RFX3: variants seen among roughly 807,000 people sequenced by gnomAD.
The protein encoded by RFX3 is regulatory factor X3, also known as transcription factor RFX3.
In RFX3, 14 loss-of-function variants were observed where a neutral mutation model predicts 98.6. The ratio of observed to expected loss-of-function variants is 0.14; its 90% CI spans 0.09 to 0.22. The LOEUF is 0.22. RFX3 is among the 10% of genes least tolerant of loss of function. RFX3 has a pLI of 1.00. For missense variants in RFX3, 639 were observed against 926.9 expected (o/e 0.69, Z 4.03); for synonymous variants, 383 against 328.4 (o/e 1.17, Z -1.80).
chr9:3,497,405 T>C (rs543310071), intron 1 of RFX3, among the ~76,000 whole-genome samples: 2 of 151,952 alleles, frequency 1.3e-5, no homozygotes, highest in African/African-American at 4.8e-5. Flanking sequence ...TATTAAAGGA[T>C]AAAGAAAAAA....
intron 1 of RFX3, among the ~76,000 whole-genome samples, chr9:3,497,658 A>C (rs920226798): frequency 2.0e-5 from 3 of 151,936 alleles, no homozygotes; most frequent in Non-Finnish European, 4.4e-5. Flanking sequence ...AGGAATGTGA[A>C]AGAATACACC....
intron 1 of RFX3, chr9:3,488,774 A>AG (rs1850485476): frequency 1.0e-6 from 1 of 985,162 alleles, no homozygotes; most frequent in Non-Finnish European, 1.2e-6. Context: ...CAGAGGACTT[A>AG]CGCAGAACCA....
intron 1 of RFX3, among the ~76,000 whole-genome samples, chr9:3,427,879 C>A (rs1844269294): frequency 1.3e-5 from 2 of 152,054 alleles, no homozygotes; most frequent in Non-Finnish European, 2.9e-5. Context: ...CAGCCTTCAC[C>A]CTTCTGGTGC....
chr9:3,479,177 T>C (rs759889758), intron 1 of RFX3, among the ~76,000 whole-genome samples: 2 of 152,166 alleles, frequency 1.3e-5, no homozygotes, highest in East Asian at 3.8e-4. Flanking sequence ...GATTCACTAG[T>C]TTTCTCTTGG....
chr9:3,394,516 C>G (rs1840656794), intron 2 of RFX3, among the ~76,000 whole-genome samples: 1 of 152,136 alleles, frequency 6.6e-6, no homozygotes, highest in Admixed American at 6.5e-5. Context: ...TTTACTTATC[C>G]TAAAAGCCAA....
chr9:3,296,140 T>C (rs1358867030), intron 5 of RFX3, among the ~76,000 whole-genome samples: 1 of 151,902 alleles, frequency 6.6e-6, no homozygotes, highest in Non-Finnish European at 1.5e-5. Flanking sequence ...ATACTGTAAA[T>C]TACCTTTTAT....
chr9:3,279,792 A>G (rs889325999), intron 7 of RFX3, among the ~76,000 whole-genome samples: 2 of 151,868 alleles, frequency 1.3e-5, no homozygotes, highest in Non-Finnish European at 2.9e-5. Flanking sequence ...AGGAGAGATT[A>G]TATTTTTAAT....
At chr9:3,397,060 G>C (rs943188255) in intron 1 of RFX3, among the ~76,000 whole-genome samples, 23 of 152,204 alleles carry the variant, frequency 1.5e-4, no homozygotes, top group Admixed American at 1.3e-4. Context: ...TGAAAGATGA[G>C]GGAGACTACT....
At chr9:3,398,158 C>G (rs1214975029) in intron 1 of RFX3, among the ~76,000 whole-genome samples, 1 of 151,996 alleles carries the variant, frequency 6.6e-6, no homozygotes, top group Non-Finnish European at 1.5e-5. Flanking sequence ...ATCTTTGAAC[C>G]AGCATTAAGA....
chr9:3,387,320 T>C (rs1362006419), intron 2 of RFX3, among the ~76,000 whole-genome samples: 1 of 152,160 alleles, frequency 6.6e-6, no homozygotes, highest in African/African-American at 2.4e-5. Flanking sequence ...GGCACATTCC[T>C]CTTAGAACAT....
chr9:3,470,722 G>A (rs1407483380), intron 1 of RFX3, among the ~76,000 whole-genome samples: 1 of 152,126 alleles, frequency 6.6e-6, no homozygotes. Flanking sequence ...TTGTGATTGA[G>A]AGACAGTTGC....
chr9:3,226,975 C>A (rs1194024034), intron 16 of RFX3, among the ~76,000 whole-genome samples: 1 of 152,050 alleles, frequency 6.6e-6, no homozygotes, highest in East Asian at 1.9e-4. Context: ...GTGGGAGAAG[C>A]CCTCAAAACC....
intron 1 of RFX3, among the ~76,000 whole-genome samples, chr9:3,401,832 G>C (rs1332359934): frequency 6.6e-6 from 1 of 152,148 alleles, no homozygotes; most frequent in Non-Finnish European, 1.5e-5. Flanking sequence ...CGAATCTACA[G>C]CTAAATAGGC....
At chr9:3,401,868 C>T in intron 1 of RFX3, among the ~76,000 whole-genome samples, 1 of 152,234 alleles carries the variant, frequency 6.6e-6, no homozygotes, top group African/African-American at 2.4e-5. Context: ...GGCTAATTAA[C>T]CCCTACGAGA....
intron 2 of RFX3, 101 bp from the exon 3 acceptor site, chr9:3,346,865 T>C: frequency 4.0e-6 from 3 of 741,304 alleles, no homozygotes; most frequent in South Asian, 3.1e-5. Flanking sequence ...TATTGATAAA[T>C]TTGAGAAAGA....
At chr9:3,311,671 G>C (rs1829974506) in intron 4 of RFX3, among the ~76,000 whole-genome samples, 1 of 152,132 alleles carries the variant, frequency 6.6e-6, no homozygotes, top group Non-Finnish European at 1.5e-5. Context: ...GATCACCTGA[G>C]GTTAGGAGTT....
rs1228861460 is a variant in RFX3, at chr9:3,223,935, T to C, written c.*1107A>G. ...GATAAGTAACAGTGAGGTGTGCCAG[T>C]TACACTGCCTTCAGGTTCTGTTTAC... On this transcript the variant is annotated 3_prime_UTR_variant, in exon 17 of 17. Transcript: ENST00000617270. The C allele has an allele frequency of 6.6e-6, 1 of 152,206 alleles. No homozygotes were observed. The highest frequency in any genetic ancestry group is 1.5e-5 in the Non-Finnish European group (1 of 68,034). The allele number at this position is 152,206 out of a possible 1,614,324, so 9.4% of individuals were successfully genotyped here. A position where few individuals can be genotyped will look rare whatever the true frequency, so the allele number is the denominator to read the frequency against.
chr9:3,373,237 T>A (rs191931721), intron 2 of RFX3, among the ~76,000 whole-genome samples: 2 of 152,158 alleles, frequency 1.3e-5, no homozygotes, highest in Non-Finnish European at 1.5e-5. Context: ...AATAAACTCC[T>A]CACTCTGCAA....
intron 8 of RFX3, 53 bp downstream of exon 8, chr9:3,277,287 A>T: frequency 6.3e-7 from 1 of 1,581,554 alleles, no homozygotes; most frequent in Non-Finnish European, 8.7e-7. Flanking sequence ...TGGAGAAAAG[A>T]CTAACTTTTC....
Sources: allele counts gnomAD v4.1 joint callset (sites outside exome capture counted in the v4.1 genomes callset), GRCh38; gene constraint gnomAD v4.1.1; transcripts MANE v1.5; gene names NCBI Gene and HGNC (gene_info 2026-07-23, HGNC 2026-07-21).